NCK2: variants seen among roughly 807,000 people sequenced by gnomAD.
NCK2 encodes the protein cytoplasmic protein NCK2.
In NCK2, 16 loss-of-function variants were observed where a neutral mutation model predicts 33.9. The ratio of observed to expected loss-of-function variants is 0.47; its 90% CI spans 0.32 to 0.72. NCK2 has a LOEUF of 0.72. Ranked by LOEUF, NCK2 falls within the 30% of genes least tolerant of loss-of-function variation. NCK2 has a pLI of 0.03. For missense variants in NCK2, 418 were observed against 537.3 expected, an observed-to-expected ratio of 0.78 and a Z score of 2.19; for synonymous variants, 273 against 239.9, an observed-to-expected ratio of 1.14 and a Z score of -1.27.
intron 2 of NCK2, among the ~76,000 whole-genome samples, chr2:105,822,554 A>G (rs146249486): frequency 2.6e-5 from 4 of 152,146 alleles, no homozygotes; most frequent in East Asian, 3.9e-4. Flanking sequence ...AGTCAATAAC[A>G]TAATTATTTT....
intron 1 of NCK2, among the ~76,000 whole-genome samples, chr2:105,752,134 C>G (rs772385711): frequency 6.6e-6 from 1 of 152,186 alleles, no homozygotes; most frequent in Admixed American, 6.5e-5. Flanking sequence ...TGGCCTTGGC[C>G]ACACGCGACT....
At chr2:105,759,133 C>T (rs1420907724) in intron 1 of NCK2, among the ~76,000 whole-genome samples, 2 of 152,100 alleles carry the variant, frequency 1.3e-5, no homozygotes, top group Non-Finnish European at 2.9e-5. Flanking sequence ...AAAGGTTGAT[C>T]GAATACCTAG....
At position 105,881,349 on chromosome 2, in the gene NCK2, A is replaced by C; in HGVS notation, c.248A>C (p.Lys83Thr). 6.2e-7 allele frequency: 1 copy of C among 1,602,332 alleles called. No homozygotes were observed. Residue 83 changes from lysine to threonine, a missense_variant, in exon 4 of 5, where the codon AAG (lysine) becomes ACG (threonine). Physicochemically the swap from Lys to Thr is moderately conservative, Grantham distance 78 (BLOSUM62 -1). Coordinates refer to ENST00000233154, the MANE Select transcript of NCK2 (RefSeq NM_003581.5). The stretch of plus-strand genomic sequence containing the variant: ...ACAGGCCTCGGCAAGACGCGCAGGA[A>C]GACCAGCGCGCGGGATGCGTCCCCC... ...DTLGLGKTRR[K>T]TSARDASPTP...
Position 105,891,568 on chromosome 2 carries a change from T to A in NCK2, c.949-1414T>A, listed in dbSNP as rs201405537. 1.1e-3 allele frequency among the ~76,000 whole-genome samples: 12 copies of A among 11,220 alleles called. 2 individuals are homozygous for A. Among genetic ancestry groups the A allele is most frequent in the East Asian group, 9.3e-3 (2 of 216 alleles). The allele number at this position is 11,220 out of a possible 152,430, so 7.4% of individuals were successfully genotyped here. On this transcript the variant is annotated intron_variant, in intron 4 of 4. Coordinates refer to ENST00000233154, the MANE Select transcript of NCK2 (RefSeq NM_003581.5). ...TTTTTTTTTTTTTTTTTTTTTTTTT[T>A]GAGATTTTTCGCTCTTGTTGCCCAG...
chr2:105,782,222 A>T (rs1265493199), intron 1 of NCK2, among the ~76,000 whole-genome samples: 5 of 152,294 alleles, frequency 3.3e-5, no homozygotes, highest in Non-Finnish European at 5.9e-5. Flanking sequence ...GGCTGTAGGC[A>T]GGCGGGGTGG....
chr2:105,834,250 A>G (rs758065144), intron 2 of NCK2, among the ~76,000 whole-genome samples: 16 of 152,164 alleles, frequency 1.1e-4, no homozygotes, highest in Non-Finnish European at 2.2e-4. Context: ...GAAGCCCCCA[A>G]CTGTTGTTCT....
intron 1 of NCK2, among the ~76,000 whole-genome samples, chr2:105,756,566 C>T (rs1689604345): frequency 6.6e-6 from 1 of 152,088 alleles, no homozygotes; most frequent in Non-Finnish European, 1.5e-5. Context: ...AGTGTGGGTC[C>T]CTCACCAGGG....
At chr2:105,860,159 G>T (rs1158964825) in intron 3 of NCK2, among the ~76,000 whole-genome samples, 1 of 152,094 alleles carries the variant, frequency 6.6e-6, no homozygotes, top group African/African-American at 2.4e-5. Flanking sequence ...GGTGTCATGT[G>T]CCTGTGGTCC....
chr2:105,863,379 C>T (rs952858882), intron 3 of NCK2, among the ~76,000 whole-genome samples: 28 of 152,162 alleles, frequency 1.8e-4, no homozygotes, highest in Non-Finnish European at 2.5e-4. Context: ...TTCTCTATCC[C>T]TTGGAAATCC....
chr2:105,839,524 A>G (rs1000553406), intron 2 of NCK2, among the ~76,000 whole-genome samples: 1 of 152,174 alleles, frequency 6.6e-6, no homozygotes, highest in African/African-American at 2.4e-5. Flanking sequence ...AGCCCACTTA[A>G]TGGTTGTCTA....
At chr2:105,814,477 G>A (rs1275716809) in intron 1 of NCK2, among the ~76,000 whole-genome samples, 1 of 152,182 alleles carries the variant, frequency 6.6e-6, no homozygotes, top group Non-Finnish European at 1.5e-5. Flanking sequence ...GCCGTGTTCT[G>A]ACTTGCCCAC....
At chr2:105,838,445 T>G (rs754022221) in intron 2 of NCK2, among the ~76,000 whole-genome samples, 1 of 152,188 alleles carries the variant, frequency 6.6e-6, no homozygotes, top group Non-Finnish European at 1.5e-5. Context: ...AGATTCACTC[T>G]TTATTACTGA....
At chr2:105,799,560 T>C (rs1674732709) in intron 1 of NCK2, among the ~76,000 whole-genome samples, 1 of 152,194 alleles carries the variant, frequency 6.6e-6, no homozygotes, top group Admixed American at 6.5e-5. Context: ...AGTGTTTCGT[T>C]AGTCTGTCTA....
intron 1 of NCK2, among the ~76,000 whole-genome samples, chr2:105,765,653 T>TAGTG (rs1462705171): frequency 1.4e-5 from 2 of 138,956 alleles, no homozygotes; most frequent in Non-Finnish European, 3.3e-5. Context: ...GAGACAGAGG[T>TAGTG]AGTGGGTAGT....
chr2:105,755,013 G>A (rs1480077346), intron 1 of NCK2, among the ~76,000 whole-genome samples: 4 of 151,270 alleles, frequency 2.6e-5, no homozygotes, highest in Admixed American at 1.3e-4. Context: ...CGTCTCTCCC[G>A]CCCTGAACAC....
At chr2:105,833,000 CTTTTTTT>C (rs35726815) in intron 2 of NCK2, among the ~76,000 whole-genome samples, 29 of 132,128 alleles carry the variant, frequency 2.2e-4, no homozygotes, top group African/African-American at 7.2e-4. Flanking sequence ...TGTTGGGAGA[CTTTTTTT>C]TTTTTTTTTT....
At chr2:105,835,408 T>TATATATATATACATAC (rs1553458610) in intron 2 of NCK2, among the ~76,000 whole-genome samples, 3 of 41,274 alleles carry the variant, frequency 7.3e-5, no homozygotes, top group East Asian at 1.8e-3. Context: ...TATATATACG[T>TATATATATATACATAC]GTATATATAT....
chr2:105,757,592 C>T (rs1478751769), intron 1 of NCK2, among the ~76,000 whole-genome samples: 1 of 152,212 alleles, frequency 6.6e-6, no homozygotes, highest in East Asian at 1.9e-4. Flanking sequence ...GGGCCAGGCA[C>T]TGTGCTGGGT....
chr2:105,881,992 C>G lies in NCK2; in HGVS notation c.891C>G (p.Cys297Trp), dbSNP rs769226018. The change falls in exon 4 of 5, where the codon TGC (cysteine) becomes TGG (tryptophan). Residue 297 changes from cysteine to tryptophan, a missense_variant. Coordinates refer to ENST00000233154, the MANE Select transcript of NCK2 (RefSeq NM_003581.5). ...YGNVTRHQAE[C>W]ALNERGVEGD... The stretch of plus-strand genomic sequence containing the variant: ...ACGTGACGCGGCACCAGGCCGAGTG[C>G]GCCCTCAACGAGCGGGGCGTGGAGG... 1 of 1,510,650 alleles carries G rather than the reference C, an allele frequency of 6.6e-7. No individual in the cohort carries two copies. Among genetic ancestry groups the G allele is most frequent in the East Asian group, 2.3e-5 (1 of 43,604 alleles). The allele number at this position is 1,510,650 out of a possible 1,614,324, so 93.6% of individuals were successfully genotyped here.
Sources: allele counts gnomAD v4.1 joint callset (sites outside exome capture counted in the v4.1 genomes callset), GRCh38; gene constraint gnomAD v4.1.1; transcripts MANE v1.5; gene names NCBI Gene and HGNC (gene_info 2026-07-23, HGNC 2026-07-21).